Variants in RGS6 observed in about 807,000 individuals in gnomAD.
The protein encoded by RGS6 is regulator of G protein signaling 6, also known as regulator of G-protein signaling 6.
A neutral mutation model predicts 78.5 loss-of-function variants in RGS6; 30 were observed. The ratio of observed to expected loss-of-function variants is 0.38; its 90% CI spans 0.29 to 0.52. The LOEUF is 0.52. RGS6 is among the 20% of genes least tolerant of loss of function. The pLI is 0.85. For synonymous variants in RGS6, 206 were observed against 206.0 expected (o/e 1.00, Z 0.00); for missense variants, 495 against 609.7 (o/e 0.81, Z 1.98).
chr14:72,608,947 C>T, the RGS6 span, among the ~76,000 whole-genome samples: 5 of 152,194 alleles, frequency 3.3e-5, no homozygotes, highest in Admixed American at 3.3e-4. Context: ...TACTGCACAC[C>T]CCAACATGAA....
the RGS6 span, among the ~76,000 whole-genome samples, chr14:72,584,398 G>A: frequency 6.6e-6 from 1 of 152,184 alleles, no homozygotes; most frequent in African/African-American, 2.4e-5. Context: ...GTAGTAATAA[G>A]TGCTATGCAG....
At chr14:72,355,502 A>T (rs1247746637) in intron 3 of RGS6, among the ~76,000 whole-genome samples, 1 of 152,052 alleles carries the variant, frequency 6.6e-6, no homozygotes, top group African/African-American at 2.4e-5. Flanking sequence ...TCATTTTTTT[A>T]AATTTATTCA....
At chr14:72,519,825 C>T (rs1299976898) in intron 15 of RGS6, among the ~76,000 whole-genome samples, 2 of 152,202 alleles carry the variant, frequency 1.3e-5, no homozygotes, top group Admixed American at 1.3e-4. Flanking sequence ...CCTGCATGAA[C>T]AAGCTGAAGC....
In RGS6 at chr14:72,265,938, TGGGG is replaced by T. The variant is rs5809568; in HGVS notation, c.85-86149_85-86146del. ...CTAACTATCAGTCCTATCGCTTTTTTGGGGGGGGGGGCGGGAGGCAGGTGGGAGG... is the reference window on the plus strand; with the variant it reads ...CTAACTATCAGTCCTATCGCTTTTTTGGGGGGGCGGGAGGCAGGTGGGAGG... On this transcript the variant is annotated intron_variant, in intron 2 of 17. Coordinates refer to ENST00000553525, the MANE Select transcript of RGS6 (RefSeq NM_001204424.2). Among the ~76,000 whole-genome samples the T allele has an allele frequency of 4.8e-3, 622 of 130,930 alleles. 6 individuals carry two copies. The highest frequency in any genetic ancestry group is 0.015 in the African/African-American group (558 of 38,376). 85.9% of individuals were successfully genotyped at this position (130,930 alleles called of 152,430 possible).
chr14:72,115,432 C>T (rs1368308635), intron 2 of RGS6, among the ~76,000 whole-genome samples: 1 of 152,112 alleles, frequency 6.6e-6, no homozygotes, highest in African/African-American at 2.4e-5. Context: ...GGACTGAAAC[C>T]CACATTGGTC....
the RGS6 span, among the ~76,000 whole-genome samples, chr14:72,603,890 G>A: frequency 6.6e-6 from 1 of 152,132 alleles, no homozygotes; most frequent in Non-Finnish European, 1.5e-5. Context: ...ATGAGGGAGT[G>A]CCTTGTGGGA....
intron 13 of RGS6, among the ~76,000 whole-genome samples, chr14:72,508,705 T>A (rs2096842414): frequency 6.6e-6 from 1 of 151,586 alleles, no homozygotes; most frequent in African/African-American, 2.4e-5. Flanking sequence ...ATCTATTTTT[T>A]AAAAGAGGAA....
chr14:72,047,785 T>C (rs1363750227), intron 2 of RGS6, among the ~76,000 whole-genome samples: 4 of 152,002 alleles, frequency 2.6e-5, no homozygotes, highest in African/African-American at 7.2e-5. Flanking sequence ...TGGACTGCAA[T>C]GGCGCGCTCA....
intron 12 of RGS6, among the ~76,000 whole-genome samples, chr14:72,485,703 T>G (rs1033024664): frequency 6.6e-5 from 10 of 152,196 alleles, no homozygotes; most frequent in Non-Finnish European, 1.2e-4. Flanking sequence ...GAAGCATGCC[T>G]TGGCTCCCAG....
rs1206245992 is a variant in RGS6, at chr14:71,964,866, T to C, written c.75T>C (p.Val25=). ...AGGAGAGTTCTCCAAACATGATCGT[T>C]TACTGCAAAGTAAGGCGCCTGGTCA... The part of the protein sequence containing the change: ...DPEESSPNMI[V]YCKIEDIITK... Residue 25 remains valine (V), a synonymous_variant, in exon 2 of 18, where the codon GTT becomes GTC. Transcript: ENST00000553525. 1 of 1,613,744 alleles carries C rather than the reference T, an allele frequency of 6.2e-7. No individual in the cohort carries two copies. Among genetic ancestry groups the C allele is most frequent in the African/African-American group, 1.3e-5 (1 of 75,034 alleles).
Position 71,993,338 on chromosome 14 carries a change from T to G in RGS6, c.84+28463T>G, listed in dbSNP as rs2095049569. On this transcript the variant is annotated intron_variant, in intron 2 of 17. Coordinates refer to ENST00000553525, the MANE Select transcript of RGS6 (RefSeq NM_001204424.2). ...TTTTTTTTAGAGAGTGGCTTTTAGA[T>G]GGAATTCATTTTCCAATGTATTCAT... Among the ~76,000 whole-genome samples the G allele has an allele frequency of 1.3e-5, 2 of 152,198 alleles. 1 individual carries two copies. The highest frequency in any genetic ancestry group is 4.1e-4 in the South Asian group (2 of 4,822).
At chr14:71,903,005 T>G in the RGS6 span, among the ~76,000 whole-genome samples, 7 of 152,208 alleles carry the variant, frequency 4.6e-5, no homozygotes, top group African/African-American at 1.7e-4. Flanking sequence ...ATAAACCAGG[T>G]ACATATCCAA....
chr14:72,485,248 A>G (rs2096466093), intron 12 of RGS6, among the ~76,000 whole-genome samples: 1 of 152,142 alleles, frequency 6.6e-6, no homozygotes, highest in Non-Finnish European at 1.5e-5. Flanking sequence ...TCTCATCCCA[A>G]TTCTGCTTTT....
intron 2 of RGS6, among the ~76,000 whole-genome samples, chr14:72,255,116 G>C (rs1282311319): frequency 6.6e-6 from 1 of 152,174 alleles, no homozygotes; most frequent in East Asian, 1.9e-4. Flanking sequence ...GGATGGTAGG[G>C]AAGCAGCTTT....
the RGS6 span, among the ~76,000 whole-genome samples, chr14:72,597,661 G>A: frequency 5.3e-5 from 8 of 152,288 alleles, no homozygotes; most frequent in East Asian, 9.6e-4. Context: ...TGATACCTAC[G>A]ATGTACAGTG....
intron 7 of RGS6, among the ~76,000 whole-genome samples, chr14:72,467,234 C>G (rs2095941595): frequency 2.6e-5 from 4 of 152,162 alleles, no homozygotes; most frequent in Admixed American, 2.6e-4. Flanking sequence ...CCTTCTACTT[C>G]CCTCTCCCTA....
chr14:72,544,953 AC>A (rs1204616714), intron 17 of RGS6, among the ~76,000 whole-genome samples: 2 of 152,210 alleles, frequency 1.3e-5, no homozygotes, highest in African/African-American at 4.8e-5. Context: ...CAGTCAGCCA[AC>A]CGGCAGAAGC....
At chr14:72,351,535 C>G (rs952205208) in intron 2 of RGS6, among the ~76,000 whole-genome samples, 8 of 152,286 alleles carry the variant, frequency 5.3e-5, no homozygotes, top group African/African-American at 1.9e-4. Context: ...CCACTGAGAC[C>G]TGTTTTCCAA....
intron 3 of RGS6, among the ~76,000 whole-genome samples, chr14:72,391,442 C>G (rs915932421): frequency 6.6e-6 from 1 of 152,162 alleles, no homozygotes; most frequent in Admixed American, 6.5e-5. Context: ...AGGCAAGGTA[C>G]CTGTGTGCCA....
Sources: allele counts gnomAD v4.1 joint callset (sites outside exome capture counted in the v4.1 genomes callset), GRCh38; gene constraint gnomAD v4.1.1; transcripts MANE v1.5; gene names NCBI Gene and HGNC (gene_info 2026-07-23, HGNC 2026-07-21).